RABGAP1L: variants seen among roughly 807,000 people sequenced by gnomAD.
RABGAP1L encodes the protein rab GTPase-activating protein 1-like.
RABGAP1L carries 63 observed loss-of-function variants against 137.7 expected under a neutral mutation model. The ratio of observed to expected loss-of-function variants is 0.46; its 90% CI spans 0.37 to 0.56. The LOEUF (loss-of-function observed/expected upper bound fraction) is 0.56, where lower values mean the gene tolerates loss of function less well. Ranked by LOEUF, RABGAP1L falls within the 20% of genes least tolerant of loss-of-function variation. RABGAP1L has a pLI of 0.00. For synonymous variants in RABGAP1L, 431 were observed against 433.7 expected, an observed-to-expected ratio of 0.99 and a Z score of 0.08; for missense variants, 1,095 against 1,244.0, an observed-to-expected ratio of 0.88 and a Z score of 1.80.
intron 12 of RABGAP1L, among the ~76,000 whole-genome samples, chr1:174,388,729 G>A (rs999089312): frequency 1.8e-4 from 28 of 152,096 alleles, no homozygotes; most frequent in African/African-American, 6.5e-4. Context: ...AGTGCTTACT[G>A]TGAATACTTA....
chr1:174,667,201 C>G (rs570344341), intron 14 of RABGAP1L, among the ~76,000 whole-genome samples: 1 of 152,074 alleles, frequency 6.6e-6, no homozygotes, highest in Non-Finnish European at 1.5e-5. Flanking sequence ...AAGGATTAAG[C>G]CTCCCTTGAT....
intron 13 of RABGAP1L, among the ~76,000 whole-genome samples, chr1:174,582,164 G>T (rs1016532353): frequency 6.6e-6 from 1 of 152,148 alleles, no homozygotes; most frequent in Non-Finnish European, 1.5e-5. Flanking sequence ...TTGAGCCCAG[G>T]AGTTTGATAC....
At chr1:174,301,140 G>T (rs1312347255) in intron 10 of RABGAP1L, among the ~76,000 whole-genome samples, 2 of 152,030 alleles carry the variant, frequency 1.3e-5, no homozygotes, top group Non-Finnish European at 2.9e-5. Context: ...GAGCAAGCAA[G>T]TGTGGGGTCT....
chr1:174,260,169 A>C (rs1673466694), intron 7 of RABGAP1L, among the ~76,000 whole-genome samples: 1 of 152,150 alleles, frequency 6.6e-6, no homozygotes, highest in Non-Finnish European at 1.5e-5. Context: ...ACAGAGGTTT[A>C]ATCAGGTTAA....
At chr1:174,453,828 T>A (rs1224351403) in intron 13 of RABGAP1L, among the ~76,000 whole-genome samples, 1 of 152,216 alleles carries the variant, frequency 6.6e-6, no homozygotes, top group African/African-American at 2.4e-5. Flanking sequence ...TATTCATAAC[T>A]TTTTTCAATA....
At chr1:174,249,650 C>CTTTTT (rs758531270) in intron 5 of RABGAP1L, among the ~76,000 whole-genome samples, 2 of 124,496 alleles carry the variant, frequency 1.6e-5, no homozygotes, top group Non-Finnish European at 3.5e-5. Flanking sequence ...TTCTTTCTTT[C>CTTTTT]TTTTTTTTTT....
intron 12 of RABGAP1L, among the ~76,000 whole-genome samples, chr1:174,371,649 A>G (rs1215139022): frequency 6.6e-6 from 1 of 152,154 alleles, no homozygotes; most frequent in African/African-American, 2.4e-5. Context: ...AATGGTAATT[A>G]TGACTATCAT....
chr1:174,964,664 T>G (rs1184948365), intron 20 of RABGAP1L: 5 of 493,216 alleles, frequency 1.0e-5, no homozygotes, highest in African/African-American at 8.1e-5. Context: ...TAGTCCCACA[T>G]ACAGCATTTT....
intron 11 of RABGAP1L, among the ~76,000 whole-genome samples, chr1:174,349,849 C>T (rs112585137): frequency 1.2e-4 from 15 of 128,696 alleles, no homozygotes; most frequent in East Asian, 7.8e-4. Context: ...GGCGGCTGGC[C>T]GGGCGGGGCG....
rs183349530 is a variant in RABGAP1L at position 174,661,838 on chromosome 1, G to A, written c.1825-21684G>A. Among the ~76,000 whole-genome samples the A allele has an allele frequency of 7.9e-5, 12 of 152,172 alleles. No homozygotes were observed. In the East Asian group the frequency reaches 9.6e-4, roughly 12 times the overall value. Reference sequence around the variant, plus strand: ...CATCATAGCATCATAACATTATAGCGCAACACATTACTCACCTATTTGTGT... The same window carrying A: ...CATCATAGCATCATAACATTATAGCACAACACATTACTCACCTATTTGTGT... On this transcript the variant is annotated intron_variant, in intron 14 of 25. Transcript: ENST00000681986.
At chr1:174,985,101 A>G (rs1369635350) in intron 24 of RABGAP1L, among the ~76,000 whole-genome samples, 1 of 152,168 alleles carries the variant, frequency 6.6e-6, no homozygotes, top group Non-Finnish European at 1.5e-5. Flanking sequence ...CAGAATAAAG[A>G]AGAACAACTA....
chr1:174,373,444 G>T (rs1685269184), intron 12 of RABGAP1L, among the ~76,000 whole-genome samples: 1 of 152,176 alleles, frequency 6.6e-6, no homozygotes, highest in South Asian at 2.1e-4. Context: ...AAGAAGTATT[G>T]TTACCAGAGT....
intron 13 of RABGAP1L, among the ~76,000 whole-genome samples, chr1:174,616,445 T>C (rs1671878686): frequency 6.6e-6 from 1 of 152,224 alleles, no homozygotes; most frequent in African/African-American, 2.4e-5. Context: ...TTCTGATTTA[T>C]TCAGTACTCA....
rs1669384061 is a variant in RABGAP1L, at chr1:174,589,482, T to C, written c.1711-47893T>C. 2.6e-5 allele frequency among the ~76,000 whole-genome samples: 4 copies of C among 152,310 alleles called. No homozygotes were observed. In the South Asian group the frequency reaches 8.3e-4, roughly 32 times the overall value. On this transcript the variant is annotated intron_variant, in intron 13 of 25. Coordinates refer to ENST00000681986, the MANE Select transcript of RABGAP1L (RefSeq NM_001366446.1). ...ACTTGATATGATCTCATTTGTCCAT[T>C]TTTTCTTTGGTTGCTTGTGCTCGTG...
Position 174,606,504 on chromosome 1 carries a change from C to T in RABGAP1L, c.1711-30871C>T, listed in dbSNP as rs114162361. Reference sequence around the variant, plus strand: ...TCTGTGACCAGAACATTTTTTAAGACGTTAATTGGTTGGTCTTTATTTGGC... The same window carrying T: ...TCTGTGACCAGAACATTTTTTAAGATGTTAATTGGTTGGTCTTTATTTGGC... On this transcript the variant is annotated intron_variant, in intron 13 of 25. Transcript: ENST00000681986. 8.6e-3 allele frequency among the ~76,000 whole-genome samples: 1,310 copies of T among 152,210 alleles called. 11 individuals are homozygous for T. The highest frequency in any genetic ancestry group is 0.018 in the South Asian group (85 of 4,824).
intron 14 of RABGAP1L, among the ~76,000 whole-genome samples, chr1:174,646,826 A>G (rs967874401): frequency 1.3e-5 from 2 of 152,312 alleles, no homozygotes; most frequent in Non-Finnish European, 2.9e-5. Flanking sequence ...TGCAATATTA[A>G]TTCTTTCTAT....
At chr1:174,331,296 G>A (rs1411761266) in intron 11 of RABGAP1L, among the ~76,000 whole-genome samples, 3 of 152,080 alleles carry the variant, frequency 2.0e-5, no homozygotes, top group African/African-American at 7.2e-5. Flanking sequence ...TTTTAGACAA[G>A]ACCTCAAAAA....
At chr1:174,894,447 A>G (rs965045074) in intron 19 of RABGAP1L, among the ~76,000 whole-genome samples, 10 of 152,226 alleles carry the variant, frequency 6.6e-5, no homozygotes, top group Admixed American at 3.9e-4. Flanking sequence ...TTTAGCACTC[A>G]AGATTGTTAC....
intron 14 of RABGAP1L, among the ~76,000 whole-genome samples, chr1:174,668,799 A>T (rs61826952): frequency 6.6e-6 from 1 of 152,082 alleles, no homozygotes; most frequent in South Asian, 2.1e-4. Context: ...GATAATAGCT[A>T]TTCTAACAGG....
Sources: allele counts gnomAD v4.1 joint callset (sites outside exome capture counted in the v4.1 genomes callset), GRCh38; gene constraint gnomAD v4.1.1; transcripts MANE v1.5; gene names NCBI Gene and HGNC (gene_info 2026-07-23, HGNC 2026-07-21).